ATRNL1: variants seen among roughly 807,000 people sequenced by gnomAD.
ATRNL1 encodes attractin-like protein 1.
In ATRNL1, 95 loss-of-function variants were observed where a neutral mutation model predicts 182.7. That is an observed-to-expected ratio of 0.52 (90% CI 0.44 to 0.62). The LOEUF (loss-of-function observed/expected upper bound fraction) is 0.62, where lower values mean the gene tolerates loss of function less well. ATRNL1 is among the 20% of genes least tolerant of loss of function. The pLI is 0.00. For missense variants in ATRNL1, 1,471 were observed against 1,679.5 expected (o/e 0.88, Z 2.17); for synonymous variants, 576 against 568.3 (o/e 1.01, Z -0.19).
chr10:115,326,898 T>G (rs1359639840), intron 18 of ATRNL1, among the ~76,000 whole-genome samples: 4 of 152,218 alleles, frequency 2.6e-5, no homozygotes, highest in Admixed American at 6.5e-5. Flanking sequence ...AAGCTGAAAC[T>G]GGATCCCTTC....
intron 20 of ATRNL1, among the ~76,000 whole-genome samples, chr10:115,408,058 C>T (rs1427942754): frequency 7.3e-6 from 1 of 137,292 alleles, no homozygotes; most frequent in Non-Finnish European, 1.5e-5. Context: ...CTGCGGACTG[C>T]AGTGGCGCAA....
At chr10:115,514,965 C>T (rs1403848031) in intron 24 of ATRNL1, among the ~76,000 whole-genome samples, 2 of 151,634 alleles carry the variant, frequency 1.3e-5, no homozygotes, top group Non-Finnish European at 3.0e-5. Context: ...GCAGTTTCTC[C>T]TCATTATGAG....
At chr10:115,867,367 A>G (rs1951462927) in intron 28 of ATRNL1, among the ~76,000 whole-genome samples, 1 of 152,200 alleles carries the variant, frequency 6.6e-6, no homozygotes, top group Non-Finnish European at 1.5e-5. Flanking sequence ...TTAAGCATTA[A>G]CGTTTTTTCC....
intron 8 of ATRNL1, among the ~76,000 whole-genome samples, chr10:115,209,130 C>A (rs1848917955): frequency 6.6e-6 from 1 of 151,440 alleles, no homozygotes; most frequent in Admixed American, 6.6e-5. Flanking sequence ...ACTCAAAAAC[C>A]AGAAAAAATA....
intron 9 of ATRNL1, among the ~76,000 whole-genome samples, chr10:115,229,834 A>G (rs1849849810): frequency 1.3e-5 from 2 of 152,130 alleles, no homozygotes; most frequent in South Asian, 4.1e-4. Flanking sequence ...TCTCTTTTAT[A>G]AATTGGGAAA....
rs782531738 is a variant in ATRNL1 at position 115,657,013 on chromosome 10, GA to G, written c.3796-70232del. ...TTACATAATTAGAAATATACCAGAG[GA>G]AATTAACTCTTGTTTATATCAATTA... On this transcript the variant is annotated intron_variant, in intron 26 of 28. Transcript: ENST00000355044. Among the ~76,000 whole-genome samples, 22 of 152,162 alleles carry G rather than the reference GA, an allele frequency of 1.4e-4. No homozygotes were observed. The East Asian group carries it at 4.3e-3, about 29-fold the overall frequency.
At chr10:115,578,507 C>T (rs531681234) in intron 26 of ATRNL1, among the ~76,000 whole-genome samples, 1 of 151,580 alleles carries the variant, frequency 6.6e-6, no homozygotes, top group East Asian at 1.9e-4. Flanking sequence ...GAATTTATTT[C>T]CTCTAGATTA....
At chr10:115,360,054 TA>T (rs1326105688) in intron 19 of ATRNL1, among the ~76,000 whole-genome samples, 1 of 151,672 alleles carries the variant, frequency 6.6e-6, no homozygotes, top group Non-Finnish European at 1.5e-5. Context: ...TCACATATGA[TA>T]TTTTATATAT....
At chr10:115,407,985 CTTT>C (rs71010022) in intron 20 of ATRNL1, among the ~76,000 whole-genome samples, 1,271 of 97,688 alleles carry the variant, frequency 0.013, 24 homozygotes, top group African/African-American at 0.054. Context: ...ATTTGCATTT[CTTT>C]TTTTTTTTTT....
intron 6 of ATRNL1, among the ~76,000 whole-genome samples, chr10:115,163,561 C>G (rs1248491145): frequency 6.6e-6 from 1 of 151,698 alleles, no homozygotes; most frequent in African/African-American, 2.4e-5. Flanking sequence ...GGCGGGGTCT[C>G]CCTATATTGC....
chr10:115,636,314 A>G (rs1858868974), intron 26 of ATRNL1, among the ~76,000 whole-genome samples: 1 of 152,156 alleles, frequency 6.6e-6, no homozygotes, highest in Admixed American at 6.5e-5. Context: ...GGATCCCACC[A>G]CATCCCTATC....
intron 27 of ATRNL1, among the ~76,000 whole-genome samples, chr10:115,776,883 G>A (rs528392403): frequency 2.1e-4 from 32 of 152,140 alleles, no homozygotes; most frequent in East Asian, 7.7e-4. Flanking sequence ...AGGGCCAGGC[G>A]CGGCGGCTCA....
chr10:115,566,676 C>T (rs1245000087), intron 26 of ATRNL1, among the ~76,000 whole-genome samples: 3 of 151,912 alleles, frequency 2.0e-5, no homozygotes, highest in East Asian at 1.9e-4. Context: ...CTTTATCAGT[C>T]GGCTGAAACA....
chr10:115,231,919 G>A (rs1371127198), intron 9 of ATRNL1, among the ~76,000 whole-genome samples: 1 of 151,114 alleles, frequency 6.6e-6, no homozygotes, highest in East Asian at 2.0e-4. Context: ...GGGAGGGAGA[G>A]TGAATGAGTT....
chr10:115,479,108 A>G (rs555370661), intron 24 of ATRNL1, among the ~76,000 whole-genome samples: 1 of 151,306 alleles, frequency 6.6e-6, no homozygotes, highest in Non-Finnish European at 1.5e-5. Context: ...CACTGGTTCT[A>G]TTTTCCTTTA....
At chr10:115,416,709 A>G (rs1008987735) in intron 20 of ATRNL1, among the ~76,000 whole-genome samples, 6 of 152,216 alleles carry the variant, frequency 3.9e-5, no homozygotes, top group African/African-American at 1.4e-4. Context: ...ATTCCTTTGT[A>G]AAACTTATAC....
intron 5 of ATRNL1, among the ~76,000 whole-genome samples, chr10:115,135,002 C>G (rs1269534501): frequency 6.6e-6 from 1 of 151,322 alleles, no homozygotes; most frequent in Admixed American, 6.6e-5. Context: ...ATGCTAAAAA[C>G]TCTCAATAAA....
At chr10:115,468,364 G>T (rs957687720) in intron 23 of ATRNL1, among the ~76,000 whole-genome samples, 1 of 150,714 alleles carries the variant, frequency 6.6e-6, no homozygotes, top group African/African-American at 2.4e-5. Flanking sequence ...CCAAATCTCA[G>T]AAATTTTTAT....
At chr10:115,853,049 T>C (rs1448932209) in intron 28 of ATRNL1, among the ~76,000 whole-genome samples, 1 of 152,152 alleles carries the variant, frequency 6.6e-6, no homozygotes, top group Non-Finnish European at 1.5e-5. Context: ...GTCTTCTATT[T>C]TCCCATGTGA....
Sources: allele counts gnomAD v4.1 joint callset (sites outside exome capture counted in the v4.1 genomes callset), GRCh38; gene constraint gnomAD v4.1.1; transcripts MANE v1.5; gene names NCBI Gene and HGNC (gene_info 2026-07-23, HGNC 2026-07-21).